BNC2: variants seen among roughly 807,000 people sequenced by gnomAD.
BNC2 encodes zinc finger protein basonuclin-2.
BNC2 carries 20 observed loss-of-function variants against 76.3 expected under a neutral mutation model. That is an observed-to-expected ratio of 0.26 (90% CI 0.18 to 0.38). BNC2 has a LOEUF of 0.38. Ranked by LOEUF, BNC2 falls within the 10% of genes least tolerant of loss-of-function variation. The pLI, the probability that BNC2 is intolerant of heterozygous loss-of-function variation, is 1.00. For synonymous variants in BNC2, 582 were observed against 514.8 expected, an observed-to-expected ratio of 1.13 and a Z score of -1.77; for missense variants, 1,382 against 1,399.8, an observed-to-expected ratio of 0.99 and a Z score of 0.20.
chr9:16,585,855 G>A (rs1458970642), intron 3 of BNC2, among the ~76,000 whole-genome samples: 1 of 152,064 alleles, frequency 6.6e-6, no homozygotes. Flanking sequence ...ATGTCTGAGT[G>A]CCTCCAACCC....
rs1330774623 is a variant in BNC2 at position 16,419,341 on chromosome 9, C to A, written c.2948G>T (p.Gly983Val). ...ATCGAGAAGAATCCCCTCATCGCTGCCTGCGTCGGATTCTCTGGAGGAATG... is the reference window on the plus strand; with the variant it reads ...ATCGAGAAGAATCCCCTCATCGCTGACTGCGTCGGATTCTCTGGAGGAATG... ...SIHSSRESDA[G>V]SDEGILLDDI... The change falls in exon 7 of 7, where the codon GGC becomes GTC. Residue 983 changes from glycine (G) to valine (V), a missense_variant. Coordinates refer to ENST00000380672, the MANE Select transcript of BNC2 (RefSeq NM_017637.6). 1 of 1,611,454 alleles carries A rather than the reference C, an allele frequency of 6.2e-7. No individual in the cohort carries two copies. The highest frequency in any genetic ancestry group is 1.1e-5 in the South Asian group (1 of 90,928).
At chr9:16,612,704 A>G (rs1820583757) in intron 3 of BNC2, among the ~76,000 whole-genome samples, 1 of 152,210 alleles carries the variant, frequency 6.6e-6, no homozygotes, top group Non-Finnish European at 1.5e-5. Context: ...ATAAAGTGGA[A>G]TGTGATCAAT....
chr9:16,846,594 T>TGAAA (rs1818988507), intron 1 of BNC2, among the ~76,000 whole-genome samples: 1 of 152,180 alleles, frequency 6.6e-6, no homozygotes, highest in Non-Finnish European at 1.5e-5. Context: ...GGTTTCTCTT[T>TGAAA]CAGCAGGCAT....
At chr9:16,634,851 A>G (rs1377041309) in intron 3 of BNC2, among the ~76,000 whole-genome samples, 2 of 151,554 alleles carry the variant, frequency 1.3e-5, no homozygotes, top group Non-Finnish European at 2.9e-5. Context: ...AGCAGTGTAC[A>G]CTGAGGGGAG....
chr9:16,594,700 G>C (rs1253792318), intron 3 of BNC2, among the ~76,000 whole-genome samples: 1 of 151,996 alleles, frequency 6.6e-6, no homozygotes, highest in Non-Finnish European at 1.5e-5. Flanking sequence ...ATACATTCTT[G>C]TATTTAATCA....
chr9:16,696,421 G>T (rs1331888299), intron 3 of BNC2, among the ~76,000 whole-genome samples: 1 of 151,934 alleles, frequency 6.6e-6, no homozygotes, highest in African/African-American at 2.4e-5. Context: ...GAATACCCTC[G>T]CCTGTATTCT....
rs575153218 is a variant in BNC2, at chr9:16,789,920, C to T, written c.4-51435G>A. Among the ~76,000 whole-genome samples the T allele has an allele frequency of 5.9e-5, 9 of 152,326 alleles. 1 individual carries two copies. The South Asian group carries it at 1.7e-3, about 28-fold the overall frequency. ...CCCTCATCACTTACAAGAGTGCCTA[C>T]TTGGCTCAATAAATACAGGTAGTCC... On this transcript the variant is annotated intron_variant, in intron 1 of 6. Transcript: ENST00000380672.
intron 4 of BNC2, among the ~76,000 whole-genome samples, chr9:16,570,609 C>G (rs981602938): frequency 6.6e-6 from 1 of 152,178 alleles, no homozygotes; most frequent in Admixed American, 6.6e-5. Context: ...TAGGAAAAGT[C>G]TAACCTAACG....
chr9:16,553,974 G>C (rs115592788), intron 4 of BNC2, among the ~76,000 whole-genome samples: 4,148 of 152,192 alleles, frequency 0.027, 81 homozygotes, highest in African/African-American at 0.048. Context: ...TGCCCATTTA[G>C]GAATTAAACA....
At chr9:16,701,550 C>T (rs971623795) in intron 3 of BNC2, among the ~76,000 whole-genome samples, 5 of 152,158 alleles carry the variant, frequency 3.3e-5, no homozygotes, top group African/African-American at 1.2e-4. Context: ...AAAGTAAACA[C>T]TAAGTCAAAT....
intron 1 of BNC2, among the ~76,000 whole-genome samples, chr9:16,780,235 C>CAAAAAAAA (rs372583425): frequency 3.0e-5 from 2 of 66,310 alleles, no homozygotes; most frequent in Non-Finnish European, 2.7e-5. Context: ...GACTTCGTTT[C>CAAAAAAAA]AAAAAAAAAA....
chr9:16,705,546 C>A (rs981974654), intron 3 of BNC2, among the ~76,000 whole-genome samples: 1 of 152,202 alleles, frequency 6.6e-6, no homozygotes, highest in African/African-American at 2.4e-5. Context: ...TCTCAACAGG[C>A]TCTTGGGCAG....
At chr9:16,625,437 C>T (rs1214221459) in intron 3 of BNC2, among the ~76,000 whole-genome samples, 1 of 152,264 alleles carries the variant, frequency 6.6e-6, no homozygotes, top group Middle Eastern at 3.4e-3. Context: ...TTAATTTCTT[C>T]TAACATAAAC....
chr9:16,637,048 A>C (rs1554693778), intron 3 of BNC2, among the ~76,000 whole-genome samples: 1 of 149,122 alleles, frequency 6.7e-6, no homozygotes, highest in Non-Finnish European at 1.5e-5. Context: ...ACTGCTCTTA[A>C]TTTTTTTTTT....
intron 1 of BNC2, among the ~76,000 whole-genome samples, chr9:16,745,194 A>T (rs1056162177): frequency 6.6e-6 from 1 of 152,198 alleles, no homozygotes; most frequent in Non-Finnish European, 1.5e-5. Flanking sequence ...CTAGCATACA[A>T]GTACTAAAGT....
chr9:16,771,247 C>G (rs970095973), intron 1 of BNC2, among the ~76,000 whole-genome samples: 1 of 152,198 alleles, frequency 6.6e-6, no homozygotes, highest in Admixed American at 6.5e-5. Flanking sequence ...AGAGGTGGCA[C>G]TGAGTCTAAC....
intron 5 of BNC2, among the ~76,000 whole-genome samples, chr9:16,500,437 T>C (rs1466026333): frequency 1.3e-5 from 2 of 152,176 alleles, no homozygotes; most frequent in Admixed American, 6.6e-5. Context: ...CAAACAATTT[T>C]TTTCTTTGAT....
rs924072354 is a variant in BNC2, at chr9:16,793,786, C to G, written c.4-55301G>C. The stretch of plus-strand genomic sequence containing the variant: ...GTTCACGCCATTCTCCTGCCTCAGC[C>G]TCCCGAGTAGCTGGGACTGGGACTG... On this transcript the variant is annotated intron_variant, in intron 1 of 6. Transcript: ENST00000380672. 4.0e-5 allele frequency among the ~76,000 whole-genome samples: 6 copies of G among 150,442 alleles called. No homozygotes were observed. The East Asian group carries it at 1.2e-3, about 30-fold the overall frequency.
At chr9:16,537,150 T>C (rs1295935423) in intron 5 of BNC2, among the ~76,000 whole-genome samples, 4 of 152,100 alleles carry the variant, frequency 2.6e-5, no homozygotes, top group Non-Finnish European at 4.4e-5. Flanking sequence ...CTACCCTGGA[T>C]AGAAGATGTC....
Sources: gnomAD v4.1 joint callset for allele counts (sites outside exome capture counted in the v4.1 genomes callset) on GRCh38, gnomAD v4.1.1 for gene constraint, MANE v1.5 for transcripts, NCBI Gene and HGNC (gene_info 2026-07-23, HGNC 2026-07-21) for gene names.